VAV2: variants seen among roughly 807,000 people sequenced by gnomAD.
The protein encoded by VAV2 is vav guanine nucleotide exchange factor 2, also known as guanine nucleotide exchange factor VAV2.
Under a neutral mutation model 132.5 loss-of-function variants are expected in VAV2, and 67 were observed. The observed-to-expected ratio is 0.51, with a 90% CI of 0.42 to 0.62. The LOEUF (loss-of-function observed/expected upper bound fraction) is 0.62. VAV2 is among the 20% of genes least tolerant of loss of function. The pLI is 0.00. For missense variants in VAV2, 938 were observed against 1,153.6 expected (o/e 0.81, Z 2.71); for synonymous variants, 492 against 443.5 (o/e 1.11, Z -1.37).
intron 3 of VAV2, among the ~76,000 whole-genome samples, chr9:133,851,909 G>GTGGATGGATGGATGGATGGA (rs58259577): frequency 1.1e-4 from 16 of 140,850 alleles, no homozygotes; most frequent in South Asian, 9.3e-4. Flanking sequence ...GGATGGATGG[G>GTGGATGGATGGATGGATGGA]TGGATGGATG....
chr9:133,826,828 G>A lies in VAV2; in HGVS notation c.449+7444C>T, dbSNP rs547594721. 3.4e-4 allele frequency among the ~76,000 whole-genome samples: 52 copies of A among 152,302 alleles called. No individual in the cohort carries two copies. The East Asian group carries it at 8.9e-3, about 26-fold the overall frequency. On this transcript the variant is annotated intron_variant, in intron 4 of 29. Coordinates refer to ENST00000371850, the MANE Select transcript of VAV2 (RefSeq NM_001134398.2). The surrounding 1 kb of genome is among the most constrained non-coding windows in gnomAD (Gnocchi z 4.2). ...CACGGGAGGGAGGGCAGAGGCAGGC[G>A]GCCTGGCCCTGCTGGGGACTGGGGT...
At chr9:133,835,835 C>T (rs567974074) in intron 3 of VAV2, among the ~76,000 whole-genome samples, 3 of 152,228 alleles carry the variant, frequency 2.0e-5, no homozygotes, top group East Asian at 3.9e-4. Context: ...CTGTCACAGA[C>T]CTGCAGGGAC....
At position 133,778,783 on chromosome 9, in the gene VAV2, GTC is replaced by G. The variant is rs1564336422; in HGVS notation, c.1867_1868del (p.Asp623ProfsTer2). On this transcript the variant is annotated frameshift_variant, in exon 22 of 30. Transcript: ENST00000371850. LOFTEE classifies it high-confidence loss of function. ...TGDVLELLRG[D>X]PESPWWEGRL... ...CCACCTCCCACCACGGAGACTCAGG[GTC>G]GCCCCTCAGCAGCTCAAGCACGTCG... 6.2e-7 allele frequency: 1 copy of G among 1,612,924 alleles called. No individual in the cohort carries two copies. The highest frequency in any genetic ancestry group is 1.1e-5 in the South Asian group (1 of 91,070).
chr9:133,833,032 C>T lies in VAV2; in HGVS notation c.449+1240G>A, dbSNP rs1836323003. 6.6e-6 allele frequency among the ~76,000 whole-genome samples: 1 copy of T among 152,162 alleles called. No individual in the cohort carries two copies. Among genetic ancestry groups the T allele is most frequent in the Non-Finnish European group, 1.5e-5 (1 of 68,022 alleles). Reference sequence around the variant, plus strand: ...GGCCGACCGGATGTCCAGAGGAGCTCTGGGAGTCTGGCCAGTGGGATTTGC... The same window carrying T: ...GGCCGACCGGATGTCCAGAGGAGCTTTGGGAGTCTGGCCAGTGGGATTTGC... On this transcript the variant is annotated intron_variant, in intron 4 of 29. Coordinates refer to ENST00000371850, the MANE Select transcript of VAV2 (RefSeq NM_001134398.2). This position sits in a 1 kb window ranked among gnomAD's most constrained non-coding sequence, Gnocchi z 5.6.
In VAV2 at chr9:133,840,841, C is replaced by A. The variant is rs1489607874; in HGVS notation, c.381-6501G>T. ...AAACGATGGCGTCTGCAGGGCACCA[C>A]CTGTGCCACTCACTGTGCCTACAGC... On this transcript the variant is annotated intron_variant, in intron 3 of 29. Coordinates refer to ENST00000371850, the MANE Select transcript of VAV2 (RefSeq NM_001134398.2). This position sits in a 1 kb window ranked among gnomAD's most constrained non-coding sequence, Gnocchi z 4.5. Among the ~76,000 whole-genome samples the A allele has an allele frequency of 3.3e-5, 5 of 152,224 alleles. No individual in the cohort carries two copies. The highest frequency in any genetic ancestry group is 1.2e-4 in the African/African-American group (5 of 41,458).
Position 133,777,472 on chromosome 9 carries a change from GGA to G in VAV2, c.1891-11_1891-10del. ...GTTTGTACCAGACGACCCTGGCAGA[GGA>G]AAGAGATGGTTAGGACAAGGGGGCC... is the stretch of plus-strand genomic sequence containing the variant. On this transcript the variant is annotated splice_polypyrimidine_tract_variant and intron_variant, in intron 22 of 29. Coordinates refer to ENST00000371850, the MANE Select transcript of VAV2 (RefSeq NM_001134398.2). The G allele has an allele frequency of 6.2e-7, 1 of 1,613,442 alleles. No individual in the cohort carries two copies. The highest frequency in any genetic ancestry group is 8.5e-7 in the Non-Finnish European group (1 of 1,179,908).
rs149658841 is a variant in VAV2 at position 133,768,133 on chromosome 9, G to A, written c.2589+309C>T. ...GGGACTTGCAAGTAATTTGGCGAGTGCAGCTATGAGGGCAGCCCAGAATAA... is the reference window on the plus strand; with the variant it reads ...GGGACTTGCAAGTAATTTGGCGAGTACAGCTATGAGGGCAGCCCAGAATAA... On this transcript the variant is annotated intron_variant, in intron 29 of 29. Coordinates refer to ENST00000371850, the MANE Select transcript of VAV2 (RefSeq NM_001134398.2). This position sits in a 1 kb window ranked among gnomAD's most constrained non-coding sequence, Gnocchi z 5.3. 6.6e-6 allele frequency among the ~76,000 whole-genome samples: 1 copy of A among 152,268 alleles called. No individual in the cohort carries two copies. Among genetic ancestry groups the A allele is most frequent in the Non-Finnish European group, 1.5e-5 (1 of 68,012 alleles).
intron 1 of VAV2, among the ~76,000 whole-genome samples, chr9:133,970,277 C>G (rs574604310): frequency 1.6e-4 from 25 of 152,324 alleles, no homozygotes; most frequent in African/African-American, 6.0e-4. Context: ...CCCCACACAG[C>G]AAGCGATGTG....
In VAV2 at chr9:133,885,009, A is replaced by T. The variant is rs1838646712; in HGVS notation, c.322-23577T>A. Among the ~76,000 whole-genome samples the T allele has an allele frequency of 6.6e-6, 1 of 152,212 alleles. No individual in the cohort carries two copies. The highest frequency in any genetic ancestry group is 1.5e-5 in the Non-Finnish European group (1 of 68,030). ...CCAAAGACTCCAAAGATAATGCCAA[A>T]GGCTCCACTTCCAGGCCGATGACAC... On this transcript the variant is annotated intron_variant, in intron 2 of 29. Transcript: ENST00000371850. This position sits in a 1 kb window ranked among gnomAD's most constrained non-coding sequence, Gnocchi z 5.0.
chr9:133,835,229 C>T (rs144216198), intron 3 of VAV2, among the ~76,000 whole-genome samples: 1 of 152,050 alleles, frequency 6.6e-6, no homozygotes, highest in African/African-American at 2.4e-5. Flanking sequence ...TGGAAGGAAG[C>T]GCTTTTTCCT....
chr9:133,878,682 G>T (rs1203204846), intron 2 of VAV2, among the ~76,000 whole-genome samples: 1 of 152,214 alleles, frequency 6.6e-6, no homozygotes, highest in Non-Finnish European at 1.5e-5. Flanking sequence ...CCCGTCTCAG[G>T]AGGAGGATTC....
chr9:133,797,596 C>G (rs1834768484), intron 10 of VAV2, 114 bp downstream of exon 10: 3 of 891,488 alleles, frequency 3.4e-6, no homozygotes, highest in Admixed American at 2.8e-5. Context: ...CGTCATCACC[C>G]CCATCACCAC....
chr9:133,989,711 C>G (rs753808112), intron 1 of VAV2, among the ~76,000 whole-genome samples: 2 of 152,174 alleles, frequency 1.3e-5, no homozygotes, highest in Admixed American at 6.5e-5. Context: ...AGTGAGTTTC[C>G]CAGAAAACAA....
At chr9:133,980,454 G>T (rs1275799553) in intron 1 of VAV2, among the ~76,000 whole-genome samples, 1 of 152,200 alleles carries the variant, frequency 6.6e-6, no homozygotes, top group African/African-American at 2.4e-5. Flanking sequence ...ATGTGTCAGG[G>T]CAGAGGGGCC....
chr9:133,821,032 C>G (rs572105780), intron 4 of VAV2, among the ~76,000 whole-genome samples: 2 of 152,236 alleles, frequency 1.3e-5, no homozygotes, highest in Non-Finnish European at 2.9e-5. Flanking sequence ...CACTCTCCCC[C>G]AGTCCTTGAA....
At chr9:133,785,476 C>T (rs1037703971) in intron 17 of VAV2, among the ~76,000 whole-genome samples, 5 of 152,242 alleles carry the variant, frequency 3.3e-5, no homozygotes, top group Admixed American at 6.5e-5. Context: ...CTCTGTGGGC[C>T]GGGCGTGCCA....
intron 2 of VAV2, among the ~76,000 whole-genome samples, chr9:133,925,623 C>T (rs530328055): frequency 7.2e-5 from 11 of 152,258 alleles, no homozygotes; most frequent in African/African-American, 2.6e-4. Context: ...TTCGCCACTG[C>T]CCTTGCTGCT....
intron 2 of VAV2, among the ~76,000 whole-genome samples, chr9:133,934,964 A>G (rs1840851588): frequency 6.6e-6 from 1 of 152,330 alleles, no homozygotes; most frequent in South Asian, 2.1e-4. Flanking sequence ...AAGGAGTAAG[A>G]GAGTCAGCTC....
chr9:133,921,802 C>G lies in VAV2; in HGVS notation c.321+17301G>C, dbSNP rs624234. 5.7e-3 allele frequency among the ~76,000 whole-genome samples: 870 copies of G among 152,142 alleles called. 7 individuals carry two copies. Among genetic ancestry groups the G allele is most frequent in the African/African-American group, 0.02 (818 of 41,480 alleles). ...GCCTAAGCAAGTATAAGAAATCAACCGCGGATGAACTTGAGTTTCAGCAGA... is the reference window on the plus strand; with the variant it reads ...GCCTAAGCAAGTATAAGAAATCAACGGCGGATGAACTTGAGTTTCAGCAGA... On this transcript the variant is annotated intron_variant, in intron 2 of 29. Coordinates refer to ENST00000371850, the MANE Select transcript of VAV2 (RefSeq NM_001134398.2).
Sources: gnomAD v4.1 joint callset for allele counts (sites outside exome capture counted in the v4.1 genomes callset) on GRCh38, gnomAD v4.1.1 for gene constraint, Gnocchi (gnomAD v3.1) non-coding constraint, MANE v1.5 for transcripts, NCBI Gene and HGNC (gene_info 2026-07-23, HGNC 2026-07-21) for gene names.